TLE4: variants seen among roughly 807,000 people sequenced by gnomAD.
TLE4 encodes transducin-like enhancer protein 4.
In TLE4, 8 loss-of-function variants were observed where a neutral mutation model predicts 92.8. The observed-to-expected ratio is 0.09, with a 90% CI of 0.05 to 0.16. The LOEUF (loss-of-function observed/expected upper bound fraction) is 0.16. Among genes scored for constraint, TLE4 ranks in the 10% least tolerant of loss-of-function variants. The pLI is 1.00. For missense variants in TLE4, 675 were observed against 997.6 expected, an observed-to-expected ratio of 0.68 and a Z score of 4.36; for synonymous variants, 371 against 374.1, an observed-to-expected ratio of 0.99 and a Z score of 0.10.
chr9:79,723,145 A>T (rs1159720483), intron 19 of TLE4, 110 bp downstream of exon 19: 7 of 1,007,706 alleles, frequency 6.9e-6, no homozygotes, highest in Non-Finnish European at 1.1e-5. Context: ...AGCTAGTATT[A>T]TGCACATTGT....
intron 8 of TLE4, among the ~76,000 whole-genome samples, chr9:79,654,756 T>C (rs554271396): frequency 6.6e-6 from 1 of 152,270 alleles, no homozygotes; most frequent in Non-Finnish European, 1.5e-5. Context: ...CTGAAGTTAT[T>C]TAGTAAGCAA....
intron 8 of TLE4, among the ~76,000 whole-genome samples, chr9:79,660,349 G>T (rs1200057592): frequency 6.6e-6 from 1 of 152,148 alleles, no homozygotes; most frequent in African/African-American, 2.4e-5. Flanking sequence ...TATACCATAG[G>T]TTATGTTTCA....
intron 4 of TLE4, among the ~76,000 whole-genome samples, chr9:79,585,709 G>A (rs933926496): frequency 2.0e-5 from 3 of 151,654 alleles, no homozygotes; most frequent in South Asian, 4.2e-4. Flanking sequence ...CTTATTTTCA[G>A]AATTTTTAAA....
chr9:79,647,473 A>G (rs1257486547), intron 6 of TLE4, among the ~76,000 whole-genome samples: 1 of 152,198 alleles, frequency 6.6e-6, no homozygotes, highest in East Asian at 1.9e-4. Flanking sequence ...TCGATCACTA[A>G]AAATATCAGT....
chr9:79,705,241 A>G (rs1348390465), intron 9 of TLE4, among the ~76,000 whole-genome samples: 1 of 152,236 alleles, frequency 6.6e-6, no homozygotes, highest in African/African-American at 2.4e-5. Context: ...ATATAAAATC[A>G]TAAAAAATGT....
chr9:79,680,002 C>G (rs2064152684), intron 8 of TLE4, among the ~76,000 whole-genome samples: 1 of 151,734 alleles, frequency 6.6e-6, no homozygotes, highest in African/African-American at 2.4e-5. Flanking sequence ...CAGTACCATG[C>G]TGTTTTGGTT....
intron 8 of TLE4, among the ~76,000 whole-genome samples, chr9:79,683,525 A>G (rs1588206534): frequency 6.6e-6 from 1 of 152,328 alleles, no homozygotes; most frequent in South Asian, 2.1e-4. Context: ...TGTCTAAATT[A>G]TGTAATTCTG....
chr9:79,690,884 C>T (rs1289847744), intron 8 of TLE4, among the ~76,000 whole-genome samples: 1 of 150,560 alleles, frequency 6.6e-6, no homozygotes, highest in African/African-American at 2.5e-5. Context: ...AGTCTGCCTG[C>T]CTCAGCCTCC....
intron 8 of TLE4, among the ~76,000 whole-genome samples, chr9:79,660,951 A>G (rs755564955): frequency 5.3e-5 from 8 of 152,168 alleles, no homozygotes; most frequent in Non-Finnish European, 7.3e-5. Context: ...TCTCCAGCTG[A>G]TTTGGCAAAA....
intron 14 of TLE4, among the ~76,000 whole-genome samples, chr9:79,713,736 A>T (rs2136096126): frequency 6.6e-6 from 1 of 152,178 alleles, no homozygotes; most frequent in Admixed American, 6.5e-5. Context: ...AGATCTCGTC[A>T]ATTTAGTCCT....
chr9:79,627,525 TC>T (rs1453684105), intron 6 of TLE4, 77 bp downstream of exon 6: 3 of 1,468,730 alleles, frequency 2.0e-6, no homozygotes, highest in African/African-American at 2.8e-5. Flanking sequence ...TACATTTTGT[TC>T]CGCCAAAGGG....
chr9:79,628,352 T>C (rs118025129), intron 6 of TLE4, among the ~76,000 whole-genome samples: 3,111 of 152,100 alleles, frequency 0.02, 65 homozygotes, highest in Admixed American at 0.07. Flanking sequence ...CACTTTGAAA[T>C]GCTAATTATT....
intron 5 of TLE4, among the ~76,000 whole-genome samples, chr9:79,614,335 TTTC>T (rs1470690281): frequency 6.6e-6 from 1 of 152,154 alleles, no homozygotes; most frequent in African/African-American, 2.4e-5. Context: ...TCTCATCACA[TTTC>T]TGCAGGATCT....
intron 14 of TLE4, among the ~76,000 whole-genome samples, chr9:79,712,177 C>T (rs556162691): frequency 2.6e-4 from 40 of 152,306 alleles, no homozygotes; most frequent in Middle Eastern, 3.4e-3. Context: ...ATTTCCCTTT[C>T]AGCTTTGTCC....
At chr9:79,578,940 A>G (rs1181561164) in intron 4 of TLE4, among the ~76,000 whole-genome samples, 1 of 141,782 alleles carries the variant, frequency 7.1e-6, no homozygotes, top group Non-Finnish European at 1.6e-5. Context: ...AAGCAGATGA[A>G]GCAAAAAAAA....
chr9:79,589,265 C>G (rs1410703048), intron 4 of TLE4, among the ~76,000 whole-genome samples: 1 of 152,186 alleles, frequency 6.6e-6, no homozygotes, highest in East Asian at 1.9e-4. Flanking sequence ...TGTCTGGCTT[C>G]TCTAGTTAAG....
At chr9:79,596,102 T>C (rs565374529) in intron 4 of TLE4, among the ~76,000 whole-genome samples, 99 of 152,250 alleles carry the variant, frequency 6.5e-4, no homozygotes, top group African/African-American at 2.1e-3. Flanking sequence ...CGCCCTGGCC[T>C]CCCAAAGTGC....
intron 8 of TLE4, among the ~76,000 whole-genome samples, chr9:79,661,217 G>A (rs958337188): frequency 5.3e-5 from 8 of 152,020 alleles, no homozygotes; most frequent in South Asian, 2.1e-4. Flanking sequence ...CCAAAGAATC[G>A]TTCACCATCT....
chr9:79,605,803 G>C (rs937016088), intron 4 of TLE4, among the ~76,000 whole-genome samples: 1 of 152,028 alleles, frequency 6.6e-6, no homozygotes, highest in Non-Finnish European at 1.5e-5. Flanking sequence ...CGCACATTGG[G>C]TACTTTAAAG....
Sources: gnomAD v4.1 joint callset for allele counts (sites outside exome capture counted in the v4.1 genomes callset) on GRCh38, gnomAD v4.1.1 for gene constraint, MANE v1.5 for transcripts, NCBI Gene and HGNC (gene_info 2026-07-23, HGNC 2026-07-21) for gene names.